The following SNAP91 variants were observed in gnomAD, a reference collection of about 807,000 sequenced individuals.
The protein encoded by SNAP91 is clathrin coat assembly protein AP180.
SNAP91 carries 27 observed loss-of-function variants against 100.3 expected under a neutral mutation model. That is an observed-to-expected ratio of 0.27 (90% CI 0.20 to 0.37). The LOEUF (loss-of-function observed/expected upper bound fraction) is 0.37, where lower values mean the gene tolerates loss of function less well. SNAP91 is among the 10% of genes least tolerant of loss of function. The probability of loss-of-function intolerance (pLI) is 1.00; values close to 1 mark genes in which losing one functional copy is unlikely to be tolerated. For synonymous variants in SNAP91, 404 were observed against 398.6 expected (o/e 1.01, Z -0.16); for missense variants, 986 against 1,123.7 (o/e 0.88, Z 1.75).
intron 6 of SNAP91, among the ~76,000 whole-genome samples, chr6:83,658,496 C>A (rs1443163517): frequency 6.6e-6 from 1 of 152,092 alleles, no homozygotes; most frequent in Non-Finnish European, 1.5e-5. Flanking sequence ...GCAGTCCCAG[C>A]TGCTCAGGAG....
intron 7 of SNAP91, among the ~76,000 whole-genome samples, chr6:83,647,432 C>CCA (rs2097981051): frequency 1.3e-5 from 2 of 152,064 alleles, no homozygotes; most frequent in Admixed American, 1.3e-4. Flanking sequence ...AAATGTTTTT[C>CCA]TTTTATCTAC....
At position 83,582,197 on chromosome 6, in the gene SNAP91, GA is replaced by G. The variant is rs772614396; in HGVS notation, c.2149+24del. 6.2e-6 allele frequency: 10 copies of G among 1,611,134 alleles called. No homozygotes were observed. In the South Asian group the frequency reaches 1.1e-4, roughly 18 times the overall value. On this transcript the variant is annotated intron_variant, in intron 23 of 29. Transcript: ENST00000369694. The stretch of plus-strand genomic sequence containing the variant: ...TTTTTATTACCAGGACACATGAAAA[GA>G]ATGTTTGAAAGTCACTGCCTCACCT...
rs1046688809 is a variant in SNAP91, at chr6:83,665,449, T to C, written c.263A>G (p.His88Arg). Residue 88 changes from histidine (H) to arginine (R), a missense_variant, in exon 3 of 30, where the codon CAT becomes CGT. His to Arg is a conservative substitution (Grantham distance 29). Coordinates refer to ENST00000369694, the MANE Select transcript of SNAP91 (RefSeq NM_001242792.2). ...ALVTTHHLMVHGNERFIQYLA... is the reference protein window; with the variant it reads ...ALVTTHHLMVRGNERFIQYLA... ...GTTTACTTAGTTTACCTCATTTCCATGCACCATGAGATGATGTGTTGTCAC... is the reference window on the plus strand; with the variant it reads ...GTTTACTTAGTTTACCTCATTTCCACGCACCATGAGATGATGTGTTGTCAC... The C allele has an allele frequency of 6.2e-7, 1 of 1,611,708 alleles. No homozygotes were observed. The highest frequency in any genetic ancestry group is 8.5e-7 in the Non-Finnish European group (1 of 1,178,838).
At chr6:83,660,526 C>T (rs2098520274) in intron 5 of SNAP91, among the ~76,000 whole-genome samples, 1 of 152,062 alleles carries the variant, frequency 6.6e-6, no homozygotes, top group Middle Eastern at 3.2e-3. Context: ...AAGATATGCA[C>T]AAATGTGTGG....
At position 83,594,389 on chromosome 6, in the gene SNAP91, C is replaced by T; in HGVS notation, c.1417G>A (p.Ala473Thr). 6.4e-7 allele frequency: 1 copy of T among 1,553,140 alleles called. No homozygotes were observed. The highest frequency in any genetic ancestry group is 1.2e-5 in the South Asian group (1 of 84,168). ...TPTPVAAALD[A>T]CSGNDPFAPS... is the part of the protein sequence containing the mutation. ...TTAAACCCACCATTTCCTGAACATG[C>T]ATCAAGTGCTGCTGCTACAGGGGTT... is the stretch of plus-strand genomic sequence containing the variant. Residue 473 changes from alanine to threonine, a missense_variant, in exon 17 of 30, where the codon GCA becomes ACA. Ala to Thr is a moderately conservative substitution (Grantham distance 58, BLOSUM62 0). Transcript: ENST00000369694.
chr6:83,649,125 A>G (rs888390908), intron 7 of SNAP91, among the ~76,000 whole-genome samples: 17 of 152,216 alleles, frequency 1.1e-4, no homozygotes, highest in African/African-American at 4.1e-4. Context: ...CTGAATAACA[A>G]ATTACTCCAA....
chr6:83,699,572 T>C (rs1248834949), intron 2 of SNAP91, among the ~76,000 whole-genome samples: 2 of 152,332 alleles, frequency 1.3e-5, no homozygotes, highest in Non-Finnish European at 2.9e-5. Context: ...TTTCTAATCA[T>C]GTTTGAAGGA....
chr6:83,657,256 GTGTGGA>G (rs939051681), intron 6 of SNAP91, among the ~76,000 whole-genome samples: 4 of 152,148 alleles, frequency 2.6e-5, no homozygotes, highest in African/African-American at 9.7e-5. Context: ...CAATGACTCA[GTGTGGA>G]AGAACAGCAT....
chr6:83,556,342 GGAGAGA>G (rs1184252930), intron 28 of SNAP91, 97 bp from the exon 29 acceptor site: 713 of 19,612 alleles, frequency 0.036, 6 homozygotes, highest in Middle Eastern at 0.071. Context: ...AGGGAGAGGG[GGAGAGA>G]GAGAGAGAGA....
At chr6:83,673,757 C>T (rs1458942315) in intron 2 of SNAP91, among the ~76,000 whole-genome samples, 1 of 152,204 alleles carries the variant, frequency 6.6e-6, no homozygotes, top group Non-Finnish European at 1.5e-5. Context: ...CAGAATCCTG[C>T]CCCCATCCCT....
chr6:83,560,272 CATTT>C, intron 27 of SNAP91, 64 bp from the exon 28 acceptor site: 1 of 1,121,964 alleles, frequency 8.9e-7, no homozygotes, highest in Non-Finnish European at 1.3e-6. Flanking sequence ...ACTATCCTGA[CATTT>C]ATTGCTTTTA....
chr6:83,623,029 T>C (rs1024082189), intron 9 of SNAP91, among the ~76,000 whole-genome samples: 4 of 152,138 alleles, frequency 2.6e-5, no homozygotes, highest in African/African-American at 9.6e-5. Context: ...GGTTTCCTTT[T>C]GATCAAGTTT....
Position 83,593,504 on chromosome 6 carries a change from G to C in SNAP91, c.1670C>G (p.Ala557Gly). 6.4e-7 allele frequency: 1 copy of C among 1,552,508 alleles called. No individual in the cohort carries two copies. Among genetic ancestry groups the C allele is most frequent in the Admixed American group, 2.0e-5 (1 of 51,036 alleles). The change falls in exon 18 of 30, where the codon GCT (alanine) becomes GGT (glycine). Residue 557 changes from alanine (A) to glycine (G), a missense_variant. Physicochemically the swap from Ala to Gly is moderately conservative, Grantham distance 60 (BLOSUM62 0). Transcript: ENST00000369694. ...TTTSAATATTAPPALDIFGDL... is the reference protein window; with the variant it reads ...TTTSAATATTGPPALDIFGDL... ...ACCAAAGATATCTAGAGCAGGAGGA[G>C]CAGTGGTGGCGGTGGCAGCGGAGGT...
chr6:83,620,773 G>A (rs1424464344), intron 9 of SNAP91, among the ~76,000 whole-genome samples: 5 of 151,572 alleles, frequency 3.3e-5, no homozygotes, highest in African/African-American at 4.9e-5. Context: ...GTACAGTGGC[G>A]CGATCTCGGC....
chr6:83,579,249 G>T (rs1223227154), intron 24 of SNAP91, among the ~76,000 whole-genome samples: 2 of 152,206 alleles, frequency 1.3e-5, no homozygotes. Flanking sequence ...CATTCTCAAA[G>T]GTGGTTGACA....
At chr6:83,563,066 A>G (rs1029856238) in intron 26 of SNAP91, among the ~76,000 whole-genome samples, 2 of 152,234 alleles carry the variant, frequency 1.3e-5, no homozygotes, top group Middle Eastern at 3.2e-3. Context: ...TAAACAACAC[A>G]AGTTAGACAA....
chr6:83,687,865 G>A (rs2099081139), intron 2 of SNAP91, among the ~76,000 whole-genome samples: 1 of 152,154 alleles, frequency 6.6e-6, no homozygotes, highest in African/African-American at 2.4e-5. Flanking sequence ...GGGTAGGAGA[G>A]AAATAAAGGA....
intron 22 of SNAP91, among the ~76,000 whole-genome samples, chr6:83,586,960 G>A (rs1002802435): frequency 2.0e-5 from 3 of 152,086 alleles, no homozygotes; most frequent in Admixed American, 2.0e-4. Flanking sequence ...GGTAGAAGAC[G>A]ACTAAGGCAA....
chr6:83,641,878 A>C (rs2128556326), intron 7 of SNAP91, among the ~76,000 whole-genome samples: 1 of 152,206 alleles, frequency 6.6e-6, no homozygotes, highest in East Asian at 1.9e-4. Flanking sequence ...TCTCTTTCAC[A>C]CTCTCAAGAC....
Sources: gnomAD v4.1 joint callset for allele counts (sites outside exome capture counted in the v4.1 genomes callset) on GRCh38, gnomAD v4.1.1 for gene constraint, MANE v1.5 for transcripts, NCBI Gene and HGNC (gene_info 2026-07-23, HGNC 2026-07-21) for gene names.